The following SLC25A48 variants were observed in gnomAD, a reference collection of about 807,000 sequenced individuals.
The protein encoded by SLC25A48 is CTC-321K16.1.
Under a neutral mutation model 32.2 loss-of-function variants are expected in SLC25A48, and 29 were observed. The observed-to-expected ratio is 0.90, with a 90% CI of 0.67 to 1.23. The LOEUF (loss-of-function observed/expected upper bound fraction) is 1.23. Among genes scored for constraint, SLC25A48 ranks in the 50% most tolerant of loss-of-function variants. SLC25A48 has a pLI of 0.00. For synonymous variants in SLC25A48, 164 were observed against 172.3 expected (o/e 0.95, Z 0.38); for missense variants, 399 against 422.7 (o/e 0.94, Z 0.49).
intron 3 of SLC25A48, among the ~76,000 whole-genome samples, chr5:135,688,018 C>T (rs1754055222): frequency 2.5e-4 from 2 of 8,064 alleles, no homozygotes; most frequent in Admixed American, 1.3e-3. Flanking sequence ...CTTCAGAACT[C>T]ATTCATCTTG....
intron 3 of SLC25A48, among the ~76,000 whole-genome samples, chr5:135,765,902 T>C (rs946922889): frequency 3.4e-4 from 52 of 151,488 alleles, no homozygotes; most frequent in African/African-American, 1.3e-3. Flanking sequence ...TCCTGTGTTA[T>C]GGTTCAAGAT....
At chr5:135,654,177 G>A (rs577094698) in intron 3 of SLC25A48, among the ~76,000 whole-genome samples, 6 of 152,314 alleles carry the variant, frequency 3.9e-5, no homozygotes, top group African/African-American at 1.2e-4. Context: ...AGTGCAAGAA[G>A]GCTGGATTTC....
chr5:135,586,761 G>T (rs558711078), intron 1 of SLC25A48, among the ~76,000 whole-genome samples: 1 of 152,272 alleles, frequency 6.6e-6, no homozygotes, highest in South Asian at 2.1e-4. Context: ...AGGGATCTGG[G>T]CAGGGGAGGG....
chr5:135,850,562 A>C, intron 3 of SLC25A48, 66 bp downstream of exon 3: 3 of 1,473,810 alleles, frequency 2.0e-6, no homozygotes, highest in African/African-American at 1.4e-5. Context: ...GACCAGGGCC[A>C]CAGCCCCACA....
chr5:135,751,396 T>C lies in SLC25A48; in HGVS notation c.-520-61127T>C, dbSNP rs149005220. Among the ~76,000 whole-genome samples the C allele has an allele frequency of 3.4e-3, 523 of 152,320 alleles. 2 individuals are homozygous for C. Among genetic ancestry groups the C allele is most frequent in the African/African-American group, 8.4e-3 (349 of 41,578 alleles). On this transcript the variant is annotated intron_variant, in intron 3 of 10. Transcript: ENST00000646290. The stretch of plus-strand genomic sequence containing the variant: ...CATGGACAGAGGCCCCTGCTCCCTG[T>C]GGTTCCTTAGGGACACAGACTGAAA...
chr5:135,764,528 C>T (rs1756153640), intron 3 of SLC25A48, among the ~76,000 whole-genome samples: 1 of 150,964 alleles, frequency 6.6e-6, no homozygotes, highest in South Asian at 2.1e-4. Context: ...CCTAATATCA[C>T]GGGGAGTGTG....
chr5:135,583,182 G>C (rs1255101134), intron 1 of SLC25A48, among the ~76,000 whole-genome samples: 1 of 149,392 alleles, frequency 6.7e-6, no homozygotes, highest in African/African-American at 2.5e-5. Flanking sequence ...GTGTGTGTGC[G>C]TGTGTGTGTG....
intron 1 of SLC25A48, among the ~76,000 whole-genome samples, chr5:135,584,949 T>C (rs1751328372): frequency 6.6e-6 from 1 of 152,220 alleles, no homozygotes; most frequent in Non-Finnish European, 1.5e-5. Flanking sequence ...GCTTTCCAGT[T>C]TTTCAGAATG....
intron 3 of SLC25A48, among the ~76,000 whole-genome samples, chr5:135,723,242 G>A (rs1244313871): frequency 6.6e-6 from 1 of 152,238 alleles, no homozygotes; most frequent in South Asian, 2.1e-4. Flanking sequence ...GCCCAACAAT[G>A]GGTTTTCATT....
intron 3 of SLC25A48, among the ~76,000 whole-genome samples, chr5:135,793,321 A>T (rs554435246): frequency 7.5e-5 from 11 of 146,056 alleles, no homozygotes; most frequent in Admixed American, 7.5e-4. Flanking sequence ...TTGAGAGATG[A>T]TACCCTCCTG....
At chr5:135,749,911 G>A (rs1461676567) in intron 3 of SLC25A48, among the ~76,000 whole-genome samples, 1 of 151,930 alleles carries the variant, frequency 6.6e-6, no homozygotes, top group Non-Finnish European at 1.5e-5. Context: ...CTTAAGGTGA[G>A]TGCTCCCCAA....
chr5:135,653,136 T>C (rs1236084537), intron 3 of SLC25A48, among the ~76,000 whole-genome samples: 11 of 152,220 alleles, frequency 7.2e-5, no homozygotes, highest in Non-Finnish European at 1.5e-4. Context: ...TCTTGGACTT[T>C]CCAGCCTCTA....
At chr5:135,836,706 C>G (rs1758539678) in intron 1 of SLC25A48, among the ~76,000 whole-genome samples, 1 of 152,164 alleles carries the variant, frequency 6.6e-6, no homozygotes, top group African/African-American at 2.4e-5. Context: ...TATGTGATCT[C>G]TTGTGTCAGT....
At chr5:135,634,091 C>A (rs538932853) in intron 2 of SLC25A48, among the ~76,000 whole-genome samples, 1 of 152,178 alleles carries the variant, frequency 6.6e-6, no homozygotes, top group African/African-American at 2.4e-5. Context: ...GGCTCTATCT[C>A]TCACCAGTCC....
chr5:135,792,386 T>G (rs1045494242), intron 3 of SLC25A48, among the ~76,000 whole-genome samples: 5 of 151,556 alleles, frequency 3.3e-5, no homozygotes, highest in African/African-American at 1.2e-4. Context: ...GGGGGTGATA[T>G]CATTTCTATT....
At chr5:135,729,114 G>A (rs75063291) in intron 3 of SLC25A48, among the ~76,000 whole-genome samples, 3,336 of 152,132 alleles carry the variant, frequency 0.022, 52 homozygotes, top group Non-Finnish European at 0.031. Flanking sequence ...TCTGGGGGCC[G>A]CTCTTCCTTT....
Position 135,888,223 on chromosome 5 carries a change from C to A in SLC25A48, c.*199C>A. On this transcript the variant is annotated 3_prime_UTR_variant, in exon 8 of 8. Transcript: ENST00000681962. The stretch of plus-strand genomic sequence containing the variant: ...TCATGAGTCACTGATTCAAGCCCTC[C>A]AAGGTTCTGATCCCCAATGCCCACT... 1.4e-6 allele frequency: 1 copy of A among 732,420 alleles called. No homozygotes were observed. The highest frequency in any genetic ancestry group is 2.2e-6 in the Non-Finnish European group (1 of 451,210). 45.4% of individuals were successfully genotyped at this position (732,420 alleles called of 1,614,324 possible).
At chr5:135,873,087 G>C (rs2126809896) in intron 5 of SLC25A48, among the ~76,000 whole-genome samples, 1 of 152,316 alleles carries the variant, frequency 6.6e-6, no homozygotes, top group African/African-American at 2.4e-5. Context: ...CACCAGGGCA[G>C]CACCTGGGGA....
intron 3 of SLC25A48, among the ~76,000 whole-genome samples, chr5:135,651,021 T>C (rs1049229977): frequency 1.6e-4 from 24 of 152,148 alleles, no homozygotes; most frequent in African/African-American, 5.8e-4. Flanking sequence ...ACCCTTATTT[T>C]CCTGCTTGTT....
Sources: allele counts gnomAD v4.1 joint callset (sites outside exome capture counted in the v4.1 genomes callset), GRCh38; gene constraint gnomAD v4.1.1; transcripts MANE v1.5; gene names NCBI Gene and HGNC (gene_info 2026-07-23, HGNC 2026-07-21).